Variants in SEMA4B observed in about 807,000 individuals in gnomAD.
SEMA4B encodes semaphorin 4B, also known as semaphorin-4B.
A neutral mutation model predicts 88.1 loss-of-function variants in SEMA4B; 55 were observed. The ratio of observed to expected loss-of-function variants is 0.62; its 90% CI spans 0.50 to 0.78. The LOEUF (loss-of-function observed/expected upper bound fraction) is 0.78, where lower values mean the gene tolerates loss of function less well. SEMA4B is among the 30% of genes least tolerant of loss of function. SEMA4B has a pLI of 0.00. For missense variants in SEMA4B, 1,062 were observed against 1,111.9 expected (o/e 0.96, Z 0.64); for synonymous variants, 525 against 473.6 (o/e 1.11, Z -1.41).
rs1415104904 is a variant in SEMA4B at position 90,217,452 on chromosome 15, G to C, written c.171G>C (p.Arg57=). The part of the protein sequence containing the change: ...RISLPLGSEE[R]PFLRFEAEHI... ...TCCTCTCCCCAGGCTCTGAAGAGCG[G>C]CCATTCCTCAGATTCGAAGCTGAAC... The change falls in exon 2 of 14, where the codon CGG becomes CGC. Residue 57 remains arginine, a synonymous_variant. Coordinates refer to ENST00000411539, the MANE Select transcript of SEMA4B (RefSeq NM_198925.4). The C allele has an allele frequency of 3.1e-6, 5 of 1,613,228 alleles. No individual in the cohort carries two copies. In the South Asian group the frequency reaches 5.5e-5, roughly 18 times the overall value.
chr15:90,225,109 T>A lies in SEMA4B; in HGVS notation c.1336T>A (p.Tyr446Asn). ...GCTGCTGCTGCAGCCCCAGGCTCGCTACCAGCGCGTGGCTGTACACCGCGT... is the reference window on the plus strand; with the variant it reads ...GCTGCTGCTGCAGCCCCAGGCTCGCAACCAGCGCGTGGCTGTACACCGCGT... ...RMLLLQPQAR[Y>N]QRVAVHRVPG... is the part of the protein sequence containing the mutation. The change falls in exon 10 of 14, where the codon TAC (tyrosine) becomes AAC (asparagine). Residue 446 changes from tyrosine (Y) to asparagine (N), a missense_variant. Transcript: ENST00000411539. The A allele has an allele frequency of 1.2e-6, 2 of 1,613,698 alleles. No homozygotes were observed. The highest frequency in any genetic ancestry group is 1.7e-6 in the Non-Finnish European group (2 of 1,179,848).
chr15:90,206,387 GTTTCCC>G (rs2151599599), intron 1 of SEMA4B, among the ~76,000 whole-genome samples: 1 of 152,290 alleles, frequency 6.6e-6, no homozygotes, highest in African/African-American at 2.4e-5. Flanking sequence ...TCCCCAGCTG[GTTTCCC>G]TGCCCCTCCT....
upstream of SEMA4B, among the ~76,000 whole-genome samples, chr15:90,199,321 G>A (rs1235772342): frequency 2.0e-5 from 3 of 152,144 alleles, no homozygotes; most frequent in Non-Finnish European, 2.9e-5. Context: ...GCTGGGAAGT[G>A]GTCAGATTAT....
At chr15:90,185,141 C>A in intron 1 of SEMA4B, 1 of 884,748 alleles carries the variant, frequency 1.1e-6, no homozygotes, top group East Asian at 1.2e-4. Flanking sequence ...GCGGACCAGG[C>A]GAAAACCGCC....
intron 1 of SEMA4B, among the ~76,000 whole-genome samples, chr15:90,208,479 C>G (rs1425114771): frequency 6.6e-6 from 1 of 152,070 alleles, no homozygotes; most frequent in Non-Finnish European, 1.5e-5. Context: ...ATGGGGAGAA[C>G]CCATCTTGAT....
At chr15:90,203,369 G>A (rs1960835497) in intron 1 of SEMA4B, among the ~76,000 whole-genome samples, 1 of 152,124 alleles carries the variant, frequency 6.6e-6, no homozygotes, top group African/African-American at 2.4e-5. Flanking sequence ...TCATTTTTGG[G>A]AGAAGGCAGG....
chr15:90,203,394 G>C (rs1402271825), intron 1 of SEMA4B, among the ~76,000 whole-genome samples: 1 of 152,194 alleles, frequency 6.6e-6, no homozygotes, highest in Admixed American at 6.5e-5. Context: ...GATGGGGGCA[G>C]ATGCTCCAAT....
chr15:90,214,858 G>T (rs1961455564), intron 1 of SEMA4B: 3 of 617,496 alleles, frequency 4.9e-6, no homozygotes, highest in East Asian at 8.5e-5. Context: ...TCAGATTTGG[G>T]TTTTCTCTGC....
At chr15:90,186,858 G>A (rs947221321) in intron 1 of SEMA4B, among the ~76,000 whole-genome samples, 1 of 152,064 alleles carries the variant, frequency 6.6e-6, no homozygotes, top group African/African-American at 2.4e-5. Context: ...GTGTGAACCC[G>A]CGAGGCGGAG....
At chr15:90,211,165 G>A (rs769655589) in intron 1 of SEMA4B, among the ~76,000 whole-genome samples, 6 of 152,200 alleles carry the variant, frequency 3.9e-5, no homozygotes, top group Non-Finnish European at 7.4e-5. Flanking sequence ...GGGACTGAGC[G>A]TGTCCCTGTG....
chr15:90,206,669 G>A (rs1228224307), intron 1 of SEMA4B: 2 of 686,614 alleles, frequency 2.9e-6, no homozygotes, highest in East Asian at 2.5e-5. Context: ...CCTAGCACAT[G>A]GAATTCGCAA....
Position 90,228,766 on chromosome 15 carries a change from G to T in SEMA4B, c.*123G>T, listed in dbSNP as rs1962344408. ...CGACCGTGGTGCCCGGCCCTTGGGAGCCTTGGGGCCAGCTGGCCTGCTGCT... is the reference window on the plus strand; with the variant it reads ...CGACCGTGGTGCCCGGCCCTTGGGATCCTTGGGGCCAGCTGGCCTGCTGCT... On this transcript the variant is annotated 3_prime_UTR_variant, in exon 14 of 14. Transcript: ENST00000411539. The T allele has an allele frequency of 1.5e-6, 2 of 1,323,076 alleles. No homozygotes were observed. The highest frequency in any genetic ancestry group is 4.6e-5 in the Admixed American group (2 of 43,878). 82.0% of individuals were successfully genotyped at this position (1,323,076 alleles called of 1,614,324 possible).
At chr15:90,188,103 G>C (rs916740516) in intron 1 of SEMA4B, among the ~76,000 whole-genome samples, 2 of 151,862 alleles carry the variant, frequency 1.3e-5, no homozygotes, top group African/African-American at 4.8e-5. Context: ...TGGATCGCTT[G>C]AGTCCAGGAG....
At chr15:90,213,799 A>G (rs1222144953) in intron 1 of SEMA4B, among the ~76,000 whole-genome samples, 1 of 152,248 alleles carries the variant, frequency 6.6e-6, no homozygotes, top group African/African-American at 2.4e-5. Context: ...GAAAAATCCA[A>G]AAGATAAGAA....
intron 1 of SEMA4B, among the ~76,000 whole-genome samples, chr15:90,189,518 C>T (rs1177171861): frequency 6.6e-6 from 1 of 152,142 alleles, no homozygotes. Context: ...TTGGCACAAT[C>T]CTCACTTATA....
At position 90,219,896 on chromosome 15, in the gene SEMA4B, G is replaced by A; in HGVS notation, c.483+5G>A. ...AGCCCCATGTGTACCTACATCGTGA[G>A]TGACCTGTCCTCAGCCCTGAGGCTG... On this transcript the variant is annotated splice_donor_5th_base_variant and intron_variant, in intron 4 of 13. Transcript: ENST00000411539. The A allele has an allele frequency of 6.2e-7, 1 of 1,607,968 alleles. No homozygotes were observed.
intron 3 of SEMA4B, 155 bp downstream of exon 3, chr15:90,217,984 G>A (rs758084334): frequency 6.4e-6 from 4 of 628,034 alleles, no homozygotes; most frequent in Non-Finnish European, 1.1e-5. Context: ...TTGAATCCCA[G>A]CACTACACTT....
chr15:90,227,222 AT>A, intron 12 of SEMA4B: 1 of 246,656 alleles, frequency 4.1e-6, no homozygotes, highest in Non-Finnish European at 7.9e-6. Context: ...TAATTTTTCT[AT>A]TTTTTGTAGA....
rs1261115008 is a variant in SEMA4B at position 90,229,543 on chromosome 15, C to CT, written c.*901dup. On this transcript the variant is annotated 3_prime_UTR_variant, in exon 14 of 14. Coordinates refer to ENST00000411539, the MANE Select transcript of SEMA4B (RefSeq NM_198925.4). ...CCTCCATCCCTCACCTTCCTCCACT[C>CT]TAAGGGATATCAACACTGCCCAGCA... The CT allele has an allele frequency of 5.2e-6, 2 of 387,218 alleles. No homozygotes were observed. Among genetic ancestry groups the CT allele is most frequent in the Non-Finnish European group, 1.0e-5 (2 of 191,980 alleles). 24.0% of individuals were successfully genotyped at this position (387,218 alleles called of 1,614,324 possible).
Sources: allele counts gnomAD v4.1 joint callset (sites outside exome capture counted in the v4.1 genomes callset), GRCh38; gene constraint gnomAD v4.1.1; transcripts MANE v1.5; gene names NCBI Gene and HGNC (gene_info 2026-07-23, HGNC 2026-07-21).